The following NPAS3 variants were observed in gnomAD, a reference collection of about 807,000 sequenced individuals.
NPAS3 encodes neuronal PAS domain-containing protein 3.
Under a neutral mutation model 73.1 loss-of-function variants are expected in NPAS3, and 14 were observed. That is an observed-to-expected ratio of 0.19 (90% CI 0.13 to 0.30). The LOEUF is 0.30. Ranked by LOEUF, NPAS3 falls within the 10% of genes least tolerant of loss-of-function variation. NPAS3 has a pLI of 1.00. For synonymous variants in NPAS3, 620 were observed against 541.5 expected (o/e 1.14, Z -2.01); for missense variants, 1,096 against 1,250.0 (o/e 0.88, Z 1.86).
intron 3 of NPAS3, among the ~76,000 whole-genome samples, chr14:33,242,301 C>T (rs1029549710): frequency 1.6e-4 from 25 of 152,148 alleles, no homozygotes; most frequent in African/African-American, 5.8e-4. Context: ...TGACAGTAGA[C>T]GTGTCAAGTA....
At chr14:33,288,351 T>C (rs2041962603) in intron 3 of NPAS3, among the ~76,000 whole-genome samples, 1 of 152,282 alleles carries the variant, frequency 6.6e-6, no homozygotes, top group East Asian at 1.9e-4. Flanking sequence ...TTTCCAAGAC[T>C]TTCATATTTC....
At chr14:33,427,013 T>A (rs1470490161) in intron 4 of NPAS3, among the ~76,000 whole-genome samples, 1 of 152,076 alleles carries the variant, frequency 6.6e-6, no homozygotes, top group Non-Finnish European at 1.5e-5. Context: ...TTTACAGGCA[T>A]GATTTTGTAG....
chr14:33,625,083 A>G (rs557840668), intron 5 of NPAS3, among the ~76,000 whole-genome samples: 26 of 152,346 alleles, frequency 1.7e-4, no homozygotes, highest in Non-Finnish European at 3.1e-4. Context: ...AATTAGAAAC[A>G]TAAATAATGT....
chr14:33,319,670 G>A (rs1768511597), intron 3 of NPAS3, among the ~76,000 whole-genome samples: 2 of 152,060 alleles, frequency 1.3e-5, no homozygotes, highest in Non-Finnish European at 2.9e-5. Flanking sequence ...AATCTAAAGT[G>A]TACAGAGTGG....
intron 1 of NPAS3, among the ~76,000 whole-genome samples, chr14:33,012,794 C>T (rs1422439082): frequency 6.6e-6 from 1 of 152,176 alleles, no homozygotes. Context: ...AGGCAATCCA[C>T]CCGCTTCTGC....
At position 33,134,214 on chromosome 14, in the gene NPAS3, T is replaced by C. The variant is rs573925484; in HGVS notation, c.140+78220T>C. On this transcript the variant is annotated intron_variant, in intron 2 of 11. Transcript: ENST00000356141. ...AATTTAGGATGGACAGTTGAACTTT[T>C]TTTTTTTTCCTTTTTCTTTGATGAG... Among the ~76,000 whole-genome samples the C allele has an allele frequency of 2.3e-4, 35 of 152,260 alleles. 1 individual carries two copies. In the East Asian group the frequency reaches 6.6e-3, roughly 29 times the overall value.
intron 1 of NPAS3, among the ~76,000 whole-genome samples, chr14:32,944,177 A>G (rs2139080492): frequency 6.6e-6 from 1 of 152,322 alleles, no homozygotes; most frequent in East Asian, 1.9e-4. Flanking sequence ...TTTAAAGAAA[A>G]TTAACACTCA....
chr14:33,498,250 T>G (rs2052312667), intron 4 of NPAS3, among the ~76,000 whole-genome samples: 2 of 152,114 alleles, frequency 1.3e-5, no homozygotes, highest in Non-Finnish European at 2.9e-5. Flanking sequence ...GGTGGGAGTG[T>G]AAATTAGTTC....
At chr14:32,970,246 T>G (rs890978082) in intron 1 of NPAS3, among the ~76,000 whole-genome samples, 3 of 152,212 alleles carry the variant, frequency 2.0e-5, no homozygotes, top group Non-Finnish European at 4.4e-5. Context: ...AATTCTCAAT[T>G]TTTGAGAAAA....
intron 1 of NPAS3, among the ~76,000 whole-genome samples, chr14:32,965,945 C>A (rs1401486958): frequency 6.6e-6 from 1 of 151,954 alleles, no homozygotes; most frequent in Non-Finnish European, 1.5e-5. Context: ...AGAAAGAAAT[C>A]AATCACGTTT....
In NPAS3 at chr14:33,144,576, C is replaced by T. The variant is rs1020766003; in HGVS notation, c.141-70606C>T. ...TATTTTTTTGAGACAGAGTCTCCCT[C>T]TATCATCCGGGCAGGAGTGCAGTGG... is the stretch of plus-strand genomic sequence containing the variant. On this transcript the variant is annotated intron_variant, in intron 2 of 11. Transcript: ENST00000356141. Among the ~76,000 whole-genome samples, 4 of 152,234 alleles carry T rather than the reference C, an allele frequency of 2.6e-5. No homozygotes were observed. The East Asian group carries it at 7.7e-4, about 29-fold the overall frequency.
intron 4 of NPAS3, among the ~76,000 whole-genome samples, chr14:33,490,232 T>A (rs2051826080): frequency 2.0e-5 from 3 of 152,188 alleles, no homozygotes; most frequent in African/African-American, 2.4e-5. Flanking sequence ...TGCCTATATG[T>A]TTCGAACCCA....
intron 3 of NPAS3, among the ~76,000 whole-genome samples, chr14:33,259,045 C>T (rs1200872514): frequency 1.3e-5 from 2 of 152,218 alleles, no homozygotes; most frequent in South Asian, 2.1e-4. Context: ...GATCTCCTGA[C>T]CTCGTGATCC....
At chr14:33,268,277 C>T (rs173383) in intron 3 of NPAS3, among the ~76,000 whole-genome samples, 4 of 151,946 alleles carry the variant, frequency 2.6e-5, no homozygotes, top group East Asian at 1.9e-4. Flanking sequence ...TTAATGAATA[C>T]AGACCTGCTT....
chr14:33,468,544 C>T (rs2050635075), intron 4 of NPAS3, among the ~76,000 whole-genome samples: 1 of 152,156 alleles, frequency 6.6e-6, no homozygotes, highest in African/African-American at 2.4e-5. Flanking sequence ...GAATCAATCT[C>T]AGAGAATTAT....
intron 7 of NPAS3, among the ~76,000 whole-genome samples, chr14:33,767,646 C>T (rs1164852135): frequency 2.1e-5 from 3 of 144,522 alleles, no homozygotes; most frequent in Non-Finnish European, 3.0e-5. Context: ...TTCCCCTAGT[C>T]GCCTAGCCCT....
rs150004249 is a variant in NPAS3, at chr14:33,735,029, A to C, written c.734-185A>C. On this transcript the variant is annotated intron_variant, in intron 6 of 11. Coordinates refer to ENST00000356141, the Ensembl canonical transcript of NPAS3. ...ACTGGAACGAGGTGACTCTAGATACATTAATTTTTCTTTTTTATTTTCCGC... is the reference window on the plus strand; with the variant it reads ...ACTGGAACGAGGTGACTCTAGATACCTTAATTTTTCTTTTTTATTTTCCGC... Among the ~76,000 whole-genome samples, 13 of 152,294 alleles carry C rather than the reference A, an allele frequency of 8.5e-5. No individual in the cohort carries two copies. The East Asian group carries it at 2.5e-3, about 29-fold the overall frequency.
intron 3 of NPAS3, among the ~76,000 whole-genome samples, chr14:33,364,381 A>C (rs1451050016): frequency 6.6e-6 from 1 of 152,216 alleles, no homozygotes; most frequent in Non-Finnish European, 1.5e-5. Context: ...TTTAACATCT[A>C]TTCAGTTAGC....
At chr14:33,549,888 G>A (rs186444769) in intron 4 of NPAS3, among the ~76,000 whole-genome samples, 8 of 152,214 alleles carry the variant, frequency 5.3e-5, no homozygotes, top group Admixed American at 5.2e-4. Flanking sequence ...CCTCTTCAGT[G>A]ATAGCACTGA....
Sources: gnomAD v4.1 joint callset for allele counts (sites outside exome capture counted in the v4.1 genomes callset) on GRCh38, gnomAD v4.1.1 for gene constraint, MANE v1.5 for transcripts, NCBI Gene and HGNC (gene_info 2026-07-23, HGNC 2026-07-21) for gene names.